The following CFTR variants were observed in gnomAD, a reference collection of about 807,000 sequenced individuals.
CFTR encodes the protein cystic fibrosis transmembrane conductance regulator.
CFTR carries 181 observed loss-of-function variants against 171.6 expected under a neutral mutation model. The observed-to-expected ratio is 1.05, with a 90% CI of 0.93 to 1.19. The LOEUF is 1.19. Ranked by LOEUF, CFTR falls within the 50% of genes most tolerant of loss-of-function variation. CFTR has a pLI of 0.00. For synonymous variants in CFTR, 583 were observed against 608.0 expected (o/e 0.96, Z 0.60); for missense variants, 1,968 against 1,734.7 (o/e 1.13, Z -2.39).
intron 3 of CFTR, among the ~76,000 whole-genome samples, chr7:117,523,666 C>A (rs560875883): frequency 6.6e-6 from 1 of 152,128 alleles, no homozygotes; most frequent in Non-Finnish European, 1.5e-5. Context: ...CGTGAGCCAC[C>A]GCGCCCGGCC....
chr7:117,558,210 G>C (rs1358089785), intron 10 of CFTR, among the ~76,000 whole-genome samples: 3 of 151,776 alleles, frequency 2.0e-5, no homozygotes, highest in Admixed American at 6.6e-5. Flanking sequence ...TGTGTATTAT[G>C]GTTTTTAAAA....
intron 21 of CFTR, among the ~76,000 whole-genome samples, chr7:117,620,968 A>G (rs186936610): frequency 1.3e-5 from 2 of 152,206 alleles, no homozygotes; most frequent in African/African-American, 2.4e-5. Flanking sequence ...TTAGCCAGGC[A>G]TGATGGCACA....
At chr7:117,583,537 G>C (rs1791883525) in intron 11 of CFTR, among the ~76,000 whole-genome samples, 3 of 152,014 alleles carry the variant, frequency 2.0e-5, no homozygotes, top group East Asian at 3.9e-4. Flanking sequence ...GTATTCCATA[G>C]TGTATATATG....
intron 22 of CFTR, among the ~76,000 whole-genome samples, chr7:117,637,222 G>GTTTT (rs35433853): frequency 3.5e-5 from 5 of 143,256 alleles, no homozygotes; most frequent in African/African-American, 1.3e-4. Context: ...TTCAAATGGT[G>GTTTT]TTTTTTTTTT....
chr7:117,610,812 T>A, intron 19 of CFTR, 143 bp downstream of exon 19: 1 of 782,666 alleles, frequency 1.3e-6, no homozygotes, highest in Non-Finnish European at 2.0e-6. Context: ...CATGCATGTG[T>A]ATATAAAAGG....
At chr7:117,639,359 A>G (rs1318830580) in intron 22 of CFTR, among the ~76,000 whole-genome samples, 1 of 152,152 alleles carries the variant, frequency 6.6e-6, no homozygotes, top group Admixed American at 6.5e-5. Flanking sequence ...TTTTATCTAA[A>G]TTGTAATAGC....
At chr7:117,642,643 A>G in intron 23 of CFTR, 50 bp downstream of exon 23, 1 of 1,569,678 alleles carries the variant, frequency 6.4e-7, no homozygotes, top group South Asian at 1.1e-5. Context: ...TATATTTTTT[A>G]CTGCTATTTG....
At chr7:117,567,429 G>C (rs1173360950) in intron 11 of CFTR, among the ~76,000 whole-genome samples, 1 of 152,114 alleles carries the variant, frequency 6.6e-6, no homozygotes, top group African/African-American at 2.4e-5. Context: ...TTGAGTACAA[G>C]TATTCTCTAG....
intron 1 of CFTR, among the ~76,000 whole-genome samples, chr7:117,485,748 C>G (rs1468523679): frequency 6.6e-6 from 1 of 152,068 alleles, no homozygotes; most frequent in Non-Finnish European, 1.5e-5. Flanking sequence ...GTCAACTTTG[C>G]TATTTTTCTG....
intron 1 of CFTR, among the ~76,000 whole-genome samples, chr7:117,498,592 A>G (rs1365466582): frequency 1.3e-5 from 2 of 152,206 alleles, no homozygotes; most frequent in East Asian, 3.8e-4. Context: ...CTCTGAATCT[A>G]AATTGGATAA....
chr7:117,618,452 G>C (rs1222214818), intron 21 of CFTR, among the ~76,000 whole-genome samples: 2 of 151,412 alleles, frequency 1.3e-5, no homozygotes, highest in Non-Finnish European at 2.9e-5. Context: ...CTGCACTCCA[G>C]CCTGAGCAAT....
chr7:117,522,518 A>G (rs1216800617), intron 3 of CFTR, among the ~76,000 whole-genome samples: 6 of 152,208 alleles, frequency 3.9e-5, no homozygotes, highest in Non-Finnish European at 1.5e-5. Flanking sequence ...TTCTTCTATT[A>G]TTGAAGTGAG....
chr7:117,590,991 C>A (rs1483097492), intron 13 of CFTR, among the ~76,000 whole-genome samples: 1 of 151,974 alleles, frequency 6.6e-6, no homozygotes, highest in Non-Finnish European at 1.5e-5. Flanking sequence ...GACAGACAGA[C>A]AGTCAGTTAT....
chr7:117,629,059 G>T (rs1584831009), intron 22 of CFTR, among the ~76,000 whole-genome samples: 1 of 152,080 alleles, frequency 6.6e-6, no homozygotes, highest in Admixed American at 6.6e-5. Context: ...TAAAGTAATA[G>T]AATTTGTGGA....
At position 117,594,945 on chromosome 7, in the gene CFTR, G is replaced by A; in HGVS notation, c.2506G>A (p.Asp836Asn). ...EEDLKECFFDDMESIPAVTTW... is the reference protein window; with the variant it reads ...EEDLKECFFDNMESIPAVTTW... ...TTTTATTCAGGAGTGCTTTTTTGAT[G>A]ATATGGAGAGCATACCAGCAGTGAC... The change falls in exon 15 of 27, where the codon GAT becomes AAT. Residue 836 changes from aspartate (D) to asparagine (N), a missense_variant. By Grantham distance (23) the Asp-to-Asn change is conservative. Coordinates refer to ENST00000003084, the MANE Select transcript of CFTR (RefSeq NM_000492.4). 3 of 1,612,888 alleles carry A rather than the reference G, an allele frequency of 1.9e-6. No homozygotes were observed. The highest frequency in any genetic ancestry group is 2.5e-6 in the Non-Finnish European group (3 of 1,179,294).
At chr7:117,536,775 G>C in intron 7 of CFTR, 102 bp downstream of exon 7, 1 of 990,810 alleles carries the variant, frequency 1.0e-6, no homozygotes, top group Non-Finnish European at 1.5e-6. Context: ...TGATGTTTGT[G>C]ACAATCAAAT....
At position 117,627,766 on chromosome 7, in the gene CFTR, A is replaced by G. The variant is rs397508594; in HGVS notation, c.3713A>G (p.Gln1238Arg). 16 of 1,610,688 alleles carry G rather than the reference A, an allele frequency of 9.9e-6. No individual in the cohort carries two copies. Among genetic ancestry groups the G allele is most frequent in the South Asian group, 2.2e-5 (2 of 91,038 alleles). Residue 1238 changes from glutamine (Q) to arginine (R), a missense_variant, in exon 22 of 27, where the codon CAG (glutamine) becomes CGG (arginine). Physicochemically the swap from Gln to Arg is conservative, Grantham distance 43. Transcript: ENST00000003084. The stretch of plus-strand genomic sequence containing the variant: ...ATTTCCTTCTCAATAAGTCCTGGCC[A>G]GAGGGTGAGATTTGAACACTGCTTG... The part of the protein sequence containing the change: ...ENISFSISPG[Q>R]RVGLLGRTGS...
At chr7:117,562,299 G>C (rs1176058013) in intron 11 of CFTR, among the ~76,000 whole-genome samples, 1 of 152,068 alleles carries the variant, frequency 6.6e-6, no homozygotes, top group Non-Finnish European at 1.5e-5. Context: ...AAAAGATGGA[G>C]GTTGGTGTAA....
intron 14 of CFTR, 24 bp downstream of exon 14, chr7:117,592,681 A>G (rs758071272): frequency 6.7e-7 from 1 of 1,492,126 alleles, no homozygotes; most frequent in Non-Finnish European, 8.9e-7. Context: ...GCTTGGGGGT[A>G]TTTCACCCCA....
Sources: gnomAD v4.1 joint callset for allele counts (sites outside exome capture counted in the v4.1 genomes callset) on GRCh38, gnomAD v4.1.1 for gene constraint, MANE v1.5 for transcripts, NCBI Gene and HGNC (gene_info 2026-07-23, HGNC 2026-07-21) for gene names.